The following TBC1D22B variants were observed in gnomAD, a reference collection of about 807,000 sequenced individuals.
The protein encoded by TBC1D22B is TBC1 domain family member 22B, also known as chromosome 6 open reading frame 197.
In TBC1D22B, 32 loss-of-function variants were observed where a neutral mutation model predicts 69.1. The ratio of observed to expected loss-of-function variants is 0.46; its 90% CI spans 0.35 to 0.62. TBC1D22B has a LOEUF of 0.62. TBC1D22B is among the 20% of genes least tolerant of loss of function. TBC1D22B has a pLI of 0.00. For missense variants in TBC1D22B, 462 were observed against 630.9 expected (o/e 0.73, Z 2.87); for synonymous variants, 206 against 229.8 (o/e 0.90, Z 0.94).
chr6:37,269,521 C>A (rs751363217), intron 1 of TBC1D22B, 73 bp from the exon 2 acceptor site: 7 of 1,432,362 alleles, frequency 4.9e-6, no homozygotes, highest in Non-Finnish European at 5.9e-6. Flanking sequence ...TTTTGTGATG[C>A]AGATGGCACT....
intron 12 of TBC1D22B, among the ~76,000 whole-genome samples, chr6:37,323,720 T>C (rs1276754194): frequency 1.3e-5 from 2 of 152,164 alleles, no homozygotes; most frequent in African/African-American, 4.8e-5. Context: ...AACACAGGGG[T>C]GCGATTGTGG....
intron 2 of TBC1D22B, among the ~76,000 whole-genome samples, chr6:37,273,181 G>A: frequency 2.5e-5 from 2 of 80,074 alleles, no homozygotes; most frequent in Admixed American, 1.6e-4. Flanking sequence ...GTAACCCCGA[G>A]GCAAAAAAAA....
chr6:37,261,261 C>T (rs891669827), intron 1 of TBC1D22B, among the ~76,000 whole-genome samples: 2 of 151,332 alleles, frequency 1.3e-5, no homozygotes, highest in African/African-American at 4.9e-5. Flanking sequence ...GTGAAACCCC[C>T]CATCTCTACT....
At chr6:37,267,352 C>T (rs112634477) in intron 1 of TBC1D22B, among the ~76,000 whole-genome samples, 1 of 117,232 alleles carries the variant, frequency 8.5e-6, no homozygotes, top group African/African-American at 4.2e-5. Context: ...TATATATATA[C>T]ACACATATAT....
chr6:37,332,150 G>A lies in TBC1D22B; in HGVS notation c.*978G>A, dbSNP rs928266154. 2 of 152,602 alleles carry A rather than the reference G, an allele frequency of 1.3e-5. No homozygotes were observed. The highest frequency in any genetic ancestry group is 4.8e-5 in the African/African-American group (2 of 41,440). The allele number at this position is 152,602 out of a possible 1,614,324, so 9.5% of individuals were successfully genotyped here. On this transcript the variant is annotated 3_prime_UTR_variant, in exon 13 of 13. Transcript: ENST00000373491. ...AGGTGGCTTCAGCACCTCCAGGTTGGTTCTGGGTGTCCTGCTGTGAGGGGT... is the reference window on the plus strand; with the variant it reads ...AGGTGGCTTCAGCACCTCCAGGTTGATTCTGGGTGTCCTGCTGTGAGGGGT...
intron 1 of TBC1D22B, among the ~76,000 whole-genome samples, chr6:37,267,174 G>A (rs1766305235): frequency 6.6e-6 from 1 of 150,450 alleles, no homozygotes; most frequent in Non-Finnish European, 1.5e-5. Flanking sequence ...GCCTCAAGCA[G>A]TTCTCACACC....
intron 4 of TBC1D22B, 121 bp downstream of exon 4, chr6:37,282,485 C>T: frequency 8.5e-7 from 1 of 1,177,122 alleles, no homozygotes; most frequent in Non-Finnish European, 1.2e-6. Context: ...TGACCTGGTG[C>T]CCATTGCAGT....
chr6:37,317,124 G>C lies in TBC1D22B; in HGVS notation c.1307G>C (p.Gly436Ala). ...LWDTYQSEPE[G>A]FSHFHLYVCA... Reference sequence around the variant, plus strand: ...TCTGCTTCCCAGTCTGAACCAGAAGGGTTCTCCCACTTTCATCTCTACGTG... The same window carrying C: ...TCTGCTTCCCAGTCTGAACCAGAAGCGTTCTCCCACTTTCATCTCTACGTG... Residue 436 changes from glycine to alanine, a missense_variant, in exon 12 of 13, where the codon GGG (glycine) becomes GCG (alanine). This residue lies in a region of TBC1D22B where 225 missense variants were observed against 375.4 expected (regional missense o/e 0.60). Transcript: ENST00000373491. 1 of 1,571,444 alleles carries C rather than the reference G, an allele frequency of 6.4e-7. No homozygotes were observed. Among genetic ancestry groups the C allele is most frequent in the Non-Finnish European group, 8.6e-7 (1 of 1,156,094 alleles).
chr6:37,288,187 C>T (rs531737980), intron 7 of TBC1D22B, among the ~76,000 whole-genome samples: 3 of 152,260 alleles, frequency 2.0e-5, no homozygotes, highest in African/African-American at 7.2e-5. Flanking sequence ...TGGGGTCCCT[C>T]ATGTCTTACC....
chr6:37,264,511 GT>G (rs1372217155), intron 1 of TBC1D22B, among the ~76,000 whole-genome samples: 1 of 152,052 alleles, frequency 6.6e-6, no homozygotes, highest in Non-Finnish European at 1.5e-5. Flanking sequence ...GGGTTTTGCT[GT>G]GTTGGCCAGG....
chr6:37,290,001 C>A (rs775368512), intron 7 of TBC1D22B, among the ~76,000 whole-genome samples: 1 of 152,172 alleles, frequency 6.6e-6, no homozygotes, highest in Non-Finnish European at 1.5e-5. Context: ...TGAAAGAAAC[C>A]GTTTCTCAGC....
At chr6:37,321,512 C>T (rs1177825859) in intron 12 of TBC1D22B, among the ~76,000 whole-genome samples, 1 of 152,224 alleles carries the variant, frequency 6.6e-6, no homozygotes, top group Non-Finnish European at 1.5e-5. Flanking sequence ...AAGAATTCCT[C>T]CCAGGGTCTT....
chr6:37,288,054 C>T (rs926061130), intron 7 of TBC1D22B, among the ~76,000 whole-genome samples: 2 of 152,166 alleles, frequency 1.3e-5, no homozygotes, highest in African/African-American at 2.4e-5. Flanking sequence ...AGTACTAGTG[C>T]TCTTTTAACG....
chr6:37,259,118 A>G (rs1765974532), intron 1 of TBC1D22B, among the ~76,000 whole-genome samples: 1 of 151,766 alleles, frequency 6.6e-6, no homozygotes, highest in African/African-American at 2.4e-5. Context: ...TTGGCCTCCC[A>G]AAGTGTTGGG....
intron 8 of TBC1D22B, among the ~76,000 whole-genome samples, chr6:37,307,784 C>A (rs1767781656): frequency 6.6e-6 from 1 of 152,190 alleles, no homozygotes; most frequent in African/African-American, 2.4e-5. Context: ...GCGTTGGAGC[C>A]TCTTGGTCCG....
chr6:37,313,332 A>G (rs903966074), intron 9 of TBC1D22B, among the ~76,000 whole-genome samples: 4 of 152,120 alleles, frequency 2.6e-5, no homozygotes, highest in African/African-American at 7.2e-5. Flanking sequence ...TCTACAAAAA[A>G]TTTTAAAATT....
chr6:37,316,645 G>A (rs916131177), intron 10 of TBC1D22B, 58 bp from the exon 11 acceptor site: 1 of 1,608,314 alleles, frequency 6.2e-7, no homozygotes, highest in Non-Finnish European at 8.5e-7. Context: ...TTTGGCTCCT[G>A]TGGCCCTTTC....
chr6:37,312,862 T>C (rs1767957715), intron 8 of TBC1D22B, 56 bp from the exon 9 acceptor site: 2 of 1,434,904 alleles, frequency 1.4e-6, no homozygotes, highest in Non-Finnish European at 2.0e-6. Context: ...GAATCTATCT[T>C]TCTCTCTCCA....
chr6:37,301,282 A>G (rs1435651250), intron 8 of TBC1D22B, among the ~76,000 whole-genome samples: 1 of 152,212 alleles, frequency 6.6e-6, no homozygotes, highest in Admixed American at 6.5e-5. Context: ...TTACTCATTT[A>G]AAGGGTACAG....
Sources: allele counts gnomAD v4.1 joint callset (sites outside exome capture counted in the v4.1 genomes callset), GRCh38; gene constraint gnomAD v4.1.1; regional missense constraint gnomAD v4.1.1; transcripts MANE v1.5; gene names NCBI Gene and HGNC (gene_info 2026-07-23, HGNC 2026-07-21).